The following PPM1H variants were observed in gnomAD, a reference collection of about 807,000 sequenced individuals.
PPM1H encodes protein phosphatase 1H.
PPM1H carries 27 observed loss-of-function variants against 54.9 expected under a neutral mutation model. The ratio of observed to expected loss-of-function variants is 0.49; its 90% CI spans 0.36 to 0.68. The LOEUF is 0.68. Among genes scored for constraint, PPM1H ranks in the 30% least tolerant of loss-of-function variants. The probability of loss-of-function intolerance (pLI) is 0.00; values close to 1 mark genes in which losing one functional copy is unlikely to be tolerated. For missense variants in PPM1H, 596 were observed against 667.8 expected (o/e 0.89, Z 1.19); for synonymous variants, 305 against 270.8 (o/e 1.13, Z -1.24).
chr12:62,724,432 T>C lies in PPM1H; in HGVS notation c.955-4143A>G, dbSNP rs1342022189. ...ACCCTTGGGCTCTTTTTGGCTGATATCCATTTGCCTGGGTGGCTGCGTCAG... is the reference window on the plus strand; with the variant it reads ...ACCCTTGGGCTCTTTTTGGCTGATACCCATTTGCCTGGGTGGCTGCGTCAG... On this transcript the variant is annotated intron_variant, in intron 5 of 9. Transcript: ENST00000228705. Among the ~76,000 whole-genome samples the C allele has an allele frequency of 2.6e-5, 4 of 152,150 alleles. No homozygotes were observed. In the East Asian group the frequency reaches 7.7e-4, roughly 29 times the overall value.
chr12:62,811,119 G>T (rs1405814088), intron 2 of PPM1H, among the ~76,000 whole-genome samples: 1 of 152,180 alleles, frequency 6.6e-6, no homozygotes, highest in Non-Finnish European at 1.5e-5. Context: ...GGGGCACACG[G>T]GAAGGGGTAT....
Position 62,778,983 on chromosome 12 carries a change from G to A in PPM1H, c.869+9243C>T, listed in dbSNP as rs545900786. On this transcript the variant is annotated intron_variant, in intron 4 of 9. Transcript: ENST00000228705. ...AAAGAAAGGAAGAAAGGGAAGGAAA[G>A]GAAGGAAGGAAGAAAGAAAAAGAAA... is the stretch of plus-strand genomic sequence containing the variant. Among the ~76,000 whole-genome samples the A allele has an allele frequency of 2.2e-4, 33 of 151,238 alleles. No homozygotes were observed. In the East Asian group the frequency reaches 5.4e-3, roughly 25 times the overall value.
intron 2 of PPM1H, among the ~76,000 whole-genome samples, chr12:62,831,707 ATGTGTGTGTGTG>A (rs371871033): frequency 1.7e-5 from 2 of 117,164 alleles, no homozygotes; most frequent in Non-Finnish European, 3.7e-5. Flanking sequence ...TTGTGTGTGT[ATGTGTGTGTGTG>A]TGTGTGTGTG....
At chr12:62,689,953 G>A (rs1397280668) in intron 7 of PPM1H, 147 bp from the exon 8 acceptor site, 23 of 549,888 alleles carry the variant, frequency 4.2e-5, no homozygotes, top group East Asian at 3.5e-4. Context: ...GCTAACATAC[G>A]TGGATAGCTC....
At chr12:62,813,341 G>C (rs11174669) in intron 2 of PPM1H, among the ~76,000 whole-genome samples, 1 of 152,144 alleles carries the variant, frequency 6.6e-6, no homozygotes, top group Non-Finnish European at 1.5e-5. Context: ...ACATGAATGT[G>C]AGGGGGAATT....
intron 9 of PPM1H, among the ~76,000 whole-genome samples, chr12:62,666,345 G>A (rs2075917531): frequency 6.6e-6 from 1 of 151,936 alleles, no homozygotes; most frequent in Admixed American, 6.6e-5. Context: ...ATGGTGACTT[G>A]TGTTCTAGAT....
chr12:62,746,154 C>T (rs1224571567), intron 4 of PPM1H, among the ~76,000 whole-genome samples: 1 of 152,008 alleles, frequency 6.6e-6, no homozygotes, highest in Non-Finnish European at 1.5e-5. Context: ...ATGATCATGC[C>T]ACTGCACTCC....
At chr12:62,793,706 C>T (rs554793469) in intron 3 of PPM1H, among the ~76,000 whole-genome samples, 2 of 139,490 alleles carry the variant, frequency 1.4e-5, no homozygotes, top group Admixed American at 7.5e-5. Flanking sequence ...CGTCATTGCA[C>T]TCCAGCCTGG....
intron 2 of PPM1H, among the ~76,000 whole-genome samples, chr12:62,813,855 G>A (rs2076850579): frequency 6.6e-6 from 1 of 152,196 alleles, no homozygotes; most frequent in Admixed American, 6.5e-5. Flanking sequence ...GAGTTACTGT[G>A]TGAAAAACAC....
intron 2 of PPM1H, among the ~76,000 whole-genome samples, chr12:62,824,093 T>C (rs376107412): frequency 0.058 from 8,359 of 143,474 alleles, 313 homozygotes; most frequent in Middle Eastern, 0.095. Flanking sequence ...ACAAGCATTC[T>C]TATACACCAA....
At chr12:62,862,694 C>G (rs1399722447) in intron 1 of PPM1H, among the ~76,000 whole-genome samples, 1 of 152,156 alleles carries the variant, frequency 6.6e-6, no homozygotes, top group South Asian at 2.1e-4. Context: ...AGAGGCAGCA[C>G]TTTAATATCA....
chr12:62,903,998 C>A (rs1017928310), intron 1 of PPM1H, among the ~76,000 whole-genome samples: 1 of 151,978 alleles, frequency 6.6e-6, no homozygotes, highest in Admixed American at 6.6e-5. Context: ...ACTGATGAAA[C>A]CTCATACCAT....
chr12:62,714,968 CAT>C (rs1006610226), intron 6 of PPM1H, among the ~76,000 whole-genome samples: 25 of 152,346 alleles, frequency 1.6e-4, no homozygotes, highest in African/African-American at 5.8e-4. Context: ...CTCCCACACA[CAT>C]GTCCCTCTGG....
At chr12:62,768,505 A>T (rs1050915466) in intron 4 of PPM1H, among the ~76,000 whole-genome samples, 1 of 152,138 alleles carries the variant, frequency 6.6e-6, no homozygotes, top group Non-Finnish European at 1.5e-5. Context: ...AATACAAAAA[A>T]TTAGCCAGGC....
chr12:62,838,432 T>A (rs1333834176), intron 1 of PPM1H, among the ~76,000 whole-genome samples: 1 of 152,052 alleles, frequency 6.6e-6, no homozygotes, highest in Non-Finnish European at 1.5e-5. Flanking sequence ...CAATGTCTCA[T>A]GTGGTTCTCT....
At chr12:62,813,422 G>T (rs896753602) in intron 2 of PPM1H, among the ~76,000 whole-genome samples, 7 of 152,198 alleles carry the variant, frequency 4.6e-5, no homozygotes, top group African/African-American at 1.7e-4. Flanking sequence ...GCGCCCTCGC[G>T]TGGTACGTAA....
chr12:62,752,223 T>C (rs778475836), intron 4 of PPM1H, among the ~76,000 whole-genome samples: 2 of 152,214 alleles, frequency 1.3e-5, no homozygotes, highest in African/African-American at 2.4e-5. Context: ...AGGGACTTTA[T>C]AGATTATTAG....
intron 9 of PPM1H, among the ~76,000 whole-genome samples, chr12:62,662,135 C>T (rs1427626636): frequency 6.6e-6 from 1 of 152,178 alleles, no homozygotes; most frequent in African/African-American, 2.4e-5. Flanking sequence ...CACAGGTTAC[C>T]ACTCCTTGGC....
intron 2 of PPM1H, among the ~76,000 whole-genome samples, chr12:62,820,460 C>G (rs1174947964): frequency 6.6e-6 from 1 of 152,204 alleles, no homozygotes; most frequent in Non-Finnish European, 1.5e-5. Flanking sequence ...GTCCCTGAAC[C>G]CCGAGTAGCC....
Sources: allele counts gnomAD v4.1 joint callset (sites outside exome capture counted in the v4.1 genomes callset), GRCh38; gene constraint gnomAD v4.1.1; transcripts MANE v1.5; gene names NCBI Gene and HGNC (gene_info 2026-07-23, HGNC 2026-07-21).